The following RMST variants were observed in gnomAD, a reference collection of about 807,000 sequenced individuals.
RMST encodes rhabdomyosarcoma 2 associated transcript, also known as long intergenic non-protein coding RNA 54.
chr12:97,472,271 A>G (rs1428099294), intron 5 of RMST, among the ~76,000 whole-genome samples: 1 of 152,132 alleles, frequency 6.6e-6, no homozygotes, highest in Non-Finnish European at 1.5e-5. Context: ...GAAGTCATCT[A>G]GAAGGTACAT....
chr12:97,517,690 C>T (rs1434454121), intron 10 of RMST, among the ~76,000 whole-genome samples: 1 of 151,862 alleles, frequency 6.6e-6, no homozygotes, highest in African/African-American at 2.4e-5. Flanking sequence ...GTAACTATGC[C>T]TTTGCTGATG....
chr12:97,557,298 G>T (rs1347200592), intron 11 of RMST, among the ~76,000 whole-genome samples: 1 of 152,154 alleles, frequency 6.6e-6, no homozygotes, highest in African/African-American at 2.4e-5. Flanking sequence ...AAAGCTGTCT[G>T]TTTCTTGAGT....
chr12:97,538,300 C>T (rs1398497788), intron 11 of RMST, among the ~76,000 whole-genome samples: 9 of 151,326 alleles, frequency 5.9e-5, no homozygotes, highest in Non-Finnish European at 1.5e-5. Context: ...TTTTCTAGTG[C>T]CCGGTTTTAA....
chr12:97,489,672 ATG>A (rs1485247229), intron 5 of RMST, among the ~76,000 whole-genome samples: 1 of 152,196 alleles, frequency 6.6e-6, no homozygotes, highest in Admixed American at 6.5e-5. Context: ...TTTCTTAAAT[ATG>A]TGTTAATACT....
At chr12:97,477,625 A>T (rs1159065907) in intron 5 of RMST, among the ~76,000 whole-genome samples, 1 of 152,236 alleles carries the variant, frequency 6.6e-6, no homozygotes, top group Admixed American at 6.5e-5. Flanking sequence ...CTGTGATAGA[A>T]AAGCTACTCA....
chr12:97,481,017 A>G (rs1040185771), intron 5 of RMST, among the ~76,000 whole-genome samples: 2 of 152,232 alleles, frequency 1.3e-5, no homozygotes, highest in Admixed American at 6.5e-5. Flanking sequence ...GCTGTTAGCA[A>G]CTTATTTTCT....
intron 5 of RMST, among the ~76,000 whole-genome samples, chr12:97,468,737 C>A (rs1020782905): frequency 6.6e-6 from 1 of 151,792 alleles, no homozygotes; most frequent in Non-Finnish European, 1.5e-5. Context: ...TGCAGAATTT[C>A]CAGAAAATAT....
intron 11 of RMST, among the ~76,000 whole-genome samples, chr12:97,555,583 C>G (rs548628907): frequency 2.6e-5 from 4 of 152,180 alleles, no homozygotes; most frequent in Non-Finnish European, 4.4e-5. Context: ...AATTTCCCTT[C>G]AAATGGGCGA....
chr12:97,522,015 T>C (rs1880566702), intron 10 of RMST, among the ~76,000 whole-genome samples: 2 of 152,218 alleles, frequency 1.3e-5, no homozygotes, highest in Admixed American at 1.3e-4. Flanking sequence ...TCTACACTCT[T>C]AGTCTATGAT....
At chr12:97,493,423 A>T (rs1378264554) in intron 7 of RMST, 1 of 152,558 alleles carries the variant, frequency 6.6e-6, no homozygotes, top group Non-Finnish European at 1.5e-5. Flanking sequence ...CAAACAAATA[A>T]ATGAGAAAAT....
intron 5 of RMST, among the ~76,000 whole-genome samples, chr12:97,476,556 G>A: frequency 6.6e-6 from 1 of 152,222 alleles, no homozygotes; most frequent in Non-Finnish European, 1.5e-5. Flanking sequence ...CAGAGAGCAA[G>A]GTAAGAAATA....
intron 10 of RMST, among the ~76,000 whole-genome samples, chr12:97,526,750 G>A (rs1258372622): frequency 6.6e-6 from 1 of 152,138 alleles, no homozygotes; most frequent in East Asian, 1.9e-4. Context: ...GAGTGAGAAA[G>A]CTAGGATAGG....
At chr12:97,506,857 T>A (rs900979229) in intron 10 of RMST, among the ~76,000 whole-genome samples, 9 of 151,930 alleles carry the variant, frequency 5.9e-5, no homozygotes, top group Non-Finnish European at 1.0e-4. Flanking sequence ...CTAATTTTTA[T>A]ATTTTTAGTA....
intron 11 of RMST, among the ~76,000 whole-genome samples, chr12:97,559,313 T>G (rs1467757703): frequency 1.3e-5 from 2 of 152,210 alleles, no homozygotes; most frequent in Admixed American, 1.3e-4. Flanking sequence ...CTTCAACACT[T>G]TGCTTTCTAT....
At chr12:97,489,539 C>T (rs1203985034) in intron 5 of RMST, among the ~76,000 whole-genome samples, 1 of 152,060 alleles carries the variant, frequency 6.6e-6, no homozygotes, top group Non-Finnish European at 1.5e-5. Flanking sequence ...CTGTCACAAT[C>T]TGTAATTTGT....
At chr12:97,543,471 T>A (rs547506049) in intron 11 of RMST, among the ~76,000 whole-genome samples, 10 of 152,164 alleles carry the variant, frequency 6.6e-5, no homozygotes, top group Non-Finnish European at 1.2e-4. Flanking sequence ...TGGCACATAA[T>A]GAGCGCTCTA....
chr12:97,543,664 C>T (rs1882722183), intron 11 of RMST, among the ~76,000 whole-genome samples: 3 of 151,930 alleles, frequency 2.0e-5, no homozygotes, highest in Admixed American at 2.0e-4. Flanking sequence ...ATATGCCAGA[C>T]ACTGTTCTCA....
chr12:97,496,979 T>C (rs1408442034), intron 10 of RMST, among the ~76,000 whole-genome samples: 2 of 152,200 alleles, frequency 1.3e-5, no homozygotes, highest in African/African-American at 2.4e-5. Flanking sequence ...ACTCATTTTA[T>C]GAATGAATCA....
intron 10 of RMST, among the ~76,000 whole-genome samples, chr12:97,527,068 G>A (rs1273960498): frequency 6.6e-6 from 1 of 152,144 alleles, no homozygotes; most frequent in Non-Finnish European, 1.5e-5. Context: ...AGAGAAGGGA[G>A]TTTCAGGTAT....
Sources: gnomAD v4.1 joint callset for allele counts (sites outside exome capture counted in the v4.1 genomes callset) on GRCh38, gnomAD v4.1.1 for gene constraint, MANE v1.5 for transcripts, NCBI Gene and HGNC (gene_info 2026-07-23, HGNC 2026-07-21) for gene names.